SRPK2: variants seen among roughly 807,000 people sequenced by gnomAD.
The protein encoded by SRPK2 is SRSF protein kinase 2.
SRPK2 carries 21 observed loss-of-function variants against 90.8 expected under a neutral mutation model. The ratio of observed to expected loss-of-function variants is 0.23; its 90% CI spans 0.16 to 0.33. The LOEUF (loss-of-function observed/expected upper bound fraction) is 0.33, where lower values mean the gene tolerates loss of function less well. SRPK2 is among the 10% of genes least tolerant of loss of function. The probability of loss-of-function intolerance (pLI) is 1.00; values close to 1 mark genes in which losing one functional copy is unlikely to be tolerated. For missense variants in SRPK2, 620 were observed against 869.0 expected, an observed-to-expected ratio of 0.71 and a Z score of 3.60; for synonymous variants, 288 against 311.1, an observed-to-expected ratio of 0.93 and a Z score of 0.78.
At chr7:105,390,774 T>C (rs1277749910), upstream of SRPK2, among the ~76,000 whole-genome samples, 1 of 152,114 alleles carries the variant, frequency 6.6e-6, no homozygotes, top group African/African-American at 2.4e-5. Flanking sequence ...TGTTTTGTTT[T>C]GTTGTTTATA....
At chr7:105,196,143 G>T (rs779170184) in intron 3 of SRPK2, among the ~76,000 whole-genome samples, 1 of 152,182 alleles carries the variant, frequency 6.6e-6, no homozygotes, top group Non-Finnish European at 1.5e-5. Context: ...CTCCATAAAA[G>T]AAATGTAATG....
chr7:105,356,615 G>A (rs1228253970), intron 2 of SRPK2, among the ~76,000 whole-genome samples: 1 of 151,698 alleles, frequency 6.6e-6, no homozygotes, highest in South Asian at 2.1e-4. Flanking sequence ...GATAGTTTGG[G>A]GCAAAAAAAG....
At chr7:105,160,877 T>C (rs781091805) in intron 6 of SRPK2, among the ~76,000 whole-genome samples, 1 of 152,188 alleles carries the variant, frequency 6.6e-6, no homozygotes, top group Non-Finnish European at 1.5e-5. Flanking sequence ...TGCTCGCCTC[T>C]TCAGTAAACT....
At chr7:105,365,309 AC>A (rs980798154) in intron 2 of SRPK2, among the ~76,000 whole-genome samples, 2 of 151,526 alleles carry the variant, frequency 1.3e-5, no homozygotes, top group African/African-American at 4.9e-5. Context: ...ATATTGTGAA[AC>A]CCGATCTCTA....
Position 105,167,434 on chromosome 7 carries a change from T to C in SRPK2, c.457A>G (p.Lys153Glu). 6.2e-7 allele frequency: 1 copy of C among 1,613,860 alleles called. No individual in the cohort carries two copies. Among genetic ancestry groups the C allele is most frequent in the Non-Finnish European group, 8.5e-7 (1 of 1,179,794 alleles). The change falls in exon 6 of 16, where the codon AAA (lysine) becomes GAA (glutamate). Residue 153 changes from lysine to glutamate, a missense_variant. Physicochemically the swap from Lys to Glu is moderately conservative, Grantham distance 56 (BLOSUM62 1). Transcript: ENST00000393651. ...VRESDPSDPNKDMVVQLIDDF... is the reference protein window; with the variant it reads ...VRESDPSDPNEDMVVQLIDDF... The stretch of plus-strand genomic sequence containing the variant: ...TCAATGAGCTGGACCACCATGTCTT[T>C]GTTTGGGTCACTGGGATCACTTTCT...
intron 3 of SRPK2, among the ~76,000 whole-genome samples, chr7:105,197,170 G>C (rs997523794): frequency 4.6e-5 from 7 of 152,090 alleles, no homozygotes; most frequent in African/African-American, 1.7e-4. Flanking sequence ...AATTTTGTGA[G>C]TTATTAAAAT....
At chr7:105,358,518 T>C (rs1397262653) in intron 2 of SRPK2, among the ~76,000 whole-genome samples, 1 of 151,950 alleles carries the variant, frequency 6.6e-6, no homozygotes, top group Admixed American at 6.6e-5. Flanking sequence ...AAACTCAGTC[T>C]CTATTAAAAA....
chr7:105,338,318 C>A (rs934216404), intron 2 of SRPK2, among the ~76,000 whole-genome samples: 1 of 152,132 alleles, frequency 6.6e-6, no homozygotes, highest in Non-Finnish European at 1.5e-5. Context: ...TCACTGCAAC[C>A]TCCACATCCC....
chr7:105,338,535 G>A (rs768680062), intron 2 of SRPK2, among the ~76,000 whole-genome samples: 1 of 152,160 alleles, frequency 6.6e-6, no homozygotes, highest in Non-Finnish European at 1.5e-5. Flanking sequence ...GGGATTACAG[G>A]CATAAGCCAC....
chr7:105,310,958 C>T (rs1451323640), intron 2 of SRPK2, among the ~76,000 whole-genome samples: 1 of 152,178 alleles, frequency 6.6e-6, no homozygotes, highest in Non-Finnish European at 1.5e-5. Flanking sequence ...AGACTTTTTA[C>T]ACCCTTTCCA....
At chr7:105,258,110 C>CAAAAAAAA (rs113541840) in intron 2 of SRPK2, among the ~76,000 whole-genome samples, 1 of 145,840 alleles carries the variant, frequency 6.9e-6, no homozygotes. Context: ...TCTCCAAAAA[C>CAAAAAAAA]AAAAAAAAAA....
intron 2 of SRPK2, among the ~76,000 whole-genome samples, chr7:105,246,647 T>C (rs1203470713): frequency 2.0e-5 from 3 of 152,174 alleles, no homozygotes; most frequent in African/African-American, 4.8e-5. Context: ...ACAAAGAAAC[T>C]GAGAGGTACT....
intron 2 of SRPK2, among the ~76,000 whole-genome samples, chr7:105,222,187 C>A (rs1798175062): frequency 6.6e-6 from 1 of 152,192 alleles, no homozygotes; most frequent in African/African-American, 2.4e-5. Context: ...ACTGCCAGAT[C>A]AAAGATTATA....
intron 2 of SRPK2, chr7:105,298,680 T>C (rs1284712218): frequency 3.1e-6 from 3 of 970,068 alleles, no homozygotes; most frequent in Admixed American, 6.2e-5. Context: ...GCTCAGATTA[T>C]ACTGCAACCC....
At chr7:105,256,061 G>A (rs1585387661) in intron 2 of SRPK2, among the ~76,000 whole-genome samples, 1 of 152,182 alleles carries the variant, frequency 6.6e-6, no homozygotes, top group South Asian at 2.1e-4. Context: ...GTGATCTGCA[G>A]TGTTTGGCAT....
chr7:105,168,767 G>GTGTGTGTGTGTA, intron 4 of SRPK2, among the ~76,000 whole-genome samples: 1 of 149,400 alleles, frequency 6.7e-6, no homozygotes, highest in South Asian at 2.1e-4. Context: ...GTGTGTGTGT[G>GTGTGTGTGTGTA]TGTGTGTGTG....
chr7:105,251,932 T>G (rs913248607), intron 2 of SRPK2, among the ~76,000 whole-genome samples: 4 of 152,218 alleles, frequency 2.6e-5, no homozygotes, highest in African/African-American at 4.8e-5. Flanking sequence ...AAACCATAAT[T>G]TCTCTACTGA....
chr7:105,306,060 A>G (rs1190708012), intron 2 of SRPK2, among the ~76,000 whole-genome samples: 2 of 152,188 alleles, frequency 1.3e-5, no homozygotes, highest in African/African-American at 4.8e-5. Flanking sequence ...TAAAAGTGGG[A>G]TATTTTGGGG....
intron 2 of SRPK2, among the ~76,000 whole-genome samples, chr7:105,291,973 G>T (rs576426138): frequency 3.3e-5 from 5 of 152,092 alleles, no homozygotes; most frequent in Admixed American, 2.6e-4. Context: ...ATAACTGAAA[G>T]ATGTGCCAAA....
Sources: allele counts gnomAD v4.1 joint callset (sites outside exome capture counted in the v4.1 genomes callset), GRCh38; gene constraint gnomAD v4.1.1; transcripts MANE v1.5; gene names NCBI Gene and HGNC (gene_info 2026-07-23, HGNC 2026-07-21).